Variants in CDON observed in about 807,000 individuals in gnomAD.
CDON encodes the protein cell adhesion associated, oncogene regulated.
CDON carries 73 observed loss-of-function variants against 120.9 expected under a neutral mutation model. The observed-to-expected ratio is 0.60, with a 90% CI of 0.50 to 0.73. The LOEUF is 0.73. CDON is among the 30% of genes least tolerant of loss of function. CDON has a pLI of 0.00. For synonymous variants in CDON, 566 were observed against 573.5 expected, an observed-to-expected ratio of 0.99 and a Z score of 0.19; for missense variants, 1,470 against 1,587.3, an observed-to-expected ratio of 0.93 and a Z score of 1.26.
At chr11:125,997,047 A>C (rs1946809421) in intron 12 of CDON, among the ~76,000 whole-genome samples, 160 bp downstream of exon 12, 2 of 152,046 alleles carry the variant, frequency 1.3e-5, no homozygotes, top group East Asian at 3.9e-4. Flanking sequence ...CACGGTGGTG[A>C]GTGCCTGTAG....
chr11:125,981,009 G>C (rs1946278600), intron 17 of CDON, 40 bp downstream of exon 17: 18 of 1,608,004 alleles, frequency 1.1e-5, no homozygotes, highest in Non-Finnish European at 1.5e-5. Context: ...TTGGCACCCT[G>C]AGGGACAGAG....
At chr11:125,980,942 A>G in intron 17 of CDON, 107 bp downstream of exon 17, 2 of 1,137,158 alleles carry the variant, frequency 1.8e-6, no homozygotes, top group Non-Finnish European at 2.6e-6. Context: ...CCATTCGAGG[A>G]AACTTGTGAG....
In CDON at chr11:126,015,470, C is replaced by G; in HGVS notation, c.969G>C (p.Val323=). ...SISKGLQDQI[V]SLGATVHFTC... is the part of the protein sequence containing the mutation. ...TAAAGTGTACTGTGGCACCCAGAGA[C>G]ACTATCTGATCCTGTAGTCCTTTAG... is the stretch of plus-strand genomic sequence containing the variant. Residue 323 remains valine, a synonymous_variant, in exon 7 of 20, where the codon GTG becomes GTC. Coordinates refer to ENST00000531738, the MANE Select transcript of CDON (RefSeq NM_001378964.1). 6.2e-7 allele frequency: 1 copy of G among 1,614,046 alleles called. No individual in the cohort carries two copies. Among genetic ancestry groups the G allele is most frequent in the Non-Finnish European group, 8.5e-7 (1 of 1,179,946 alleles).
Position 126,062,593 on chromosome 11 carries a change from G to A in CDON, c.-76C>T, listed in dbSNP as rs1185503864. The A allele has an allele frequency of 6.6e-6, 1 of 152,192 alleles. No homozygotes were observed. Among genetic ancestry groups the A allele is most frequent in the Non-Finnish European group, 1.5e-5 (1 of 68,172 alleles). 9.4% of individuals were successfully genotyped at this position (152,192 alleles called of 1,614,324 possible). The stretch of plus-strand genomic sequence containing the variant: ...CACCCCCGCACCTCTCCGCGGGGCT[G>A]GCTAAGCCTCCAGACCTCCTGCGCT... On this transcript the variant is annotated 5_prime_UTR_variant, in exon 1 of 20. It introduces an in-frame stop codon into an upstream open reading frame of the 5' UTR. Transcript: ENST00000531738.
intron 12 of CDON, among the ~76,000 whole-genome samples, chr11:125,996,202 A>G (rs1946778250): frequency 6.9e-6 from 1 of 145,632 alleles, no homozygotes; most frequent in African/African-American, 2.5e-5. Flanking sequence ...ACACACACAC[A>G]CACAAAGATG....
chr11:126,030,858 TATTTA>T (rs1340188167), intron 1 of CDON, among the ~76,000 whole-genome samples: 2 of 152,228 alleles, frequency 1.3e-5, no homozygotes, highest in Non-Finnish European at 2.9e-5. Context: ...TCATTCTGAA[TATTTA>T]ATTTAACTAA....
At chr11:125,986,364 G>C (rs545402548) in intron 15 of CDON, among the ~76,000 whole-genome samples, 1 of 151,956 alleles carries the variant, frequency 6.6e-6, no homozygotes, top group Non-Finnish European at 1.5e-5. Flanking sequence ...AAACCAACAC[G>C]GCACATGTAT....
At chr11:125,976,608 CACACACACAA>C (rs1329098124) in intron 18 of CDON, among the ~76,000 whole-genome samples, 2 of 90,690 alleles carry the variant, frequency 2.2e-5, no homozygotes, top group Non-Finnish European at 4.6e-5. Context: ...CACATGCACA[CACACACACAA>C]ACACACACAC....
At chr11:126,050,818 G>T (rs975745877) in intron 1 of CDON, among the ~76,000 whole-genome samples, 1 of 151,398 alleles carries the variant, frequency 6.6e-6, no homozygotes, top group African/African-American at 2.4e-5. Context: ...TAGTCTGCAG[G>T]GCACACACAC....
intron 16 of CDON, among the ~76,000 whole-genome samples, chr11:125,982,266 G>A (rs772458903): frequency 2.0e-5 from 3 of 152,018 alleles, no homozygotes; most frequent in African/African-American, 7.3e-5. Flanking sequence ...GAGCCACTCC[G>A]CCCAGCCTTC....
At position 126,018,366 on chromosome 11, in the gene CDON, T is replaced by C; in HGVS notation, c.604A>G (p.Lys202Glu). 2 of 1,614,112 alleles carry C rather than the reference T, an allele frequency of 1.2e-6. No individual in the cohort carries two copies. Among genetic ancestry groups the C allele is most frequent in the South Asian group, 2.2e-5 (2 of 91,080 alleles). Residue 202 changes from lysine to glutamate, a missense_variant, in exon 5 of 20, where the codon AAA becomes GAA. Coordinates refer to ENST00000531738, the MANE Select transcript of CDON (RefSeq NM_001378964.1). ...AAYNPVTHQL[K>E]VEPIGRKLLV... The stretch of plus-strand genomic sequence containing the variant: ...AGCTTTCGGCCAATAGGTTCAACTT[T>C]TAATTGATGTGTGACAGGATTATAA...
At chr11:126,048,688 T>C (rs1297126675) in intron 1 of CDON, among the ~76,000 whole-genome samples, 1 of 150,742 alleles carries the variant, frequency 6.6e-6, no homozygotes, top group Non-Finnish European at 1.5e-5. Flanking sequence ...TCTCTAAAAT[T>C]TCAACAATTT....
intron 9 of CDON, 28 bp downstream of exon 9, chr11:126,005,731 A>G: frequency 6.2e-7 from 1 of 1,606,256 alleles, no homozygotes; most frequent in Non-Finnish European, 8.5e-7. Flanking sequence ...GTGTGAGCCG[A>G]GAAAGATGAT....
At chr11:125,962,104 A>C in intron 18 of CDON, 106 bp from the exon 19 acceptor site, 2 of 865,266 alleles carry the variant, frequency 2.3e-6, no homozygotes, top group South Asian at 2.9e-5. Flanking sequence ...ACAGACTCTT[A>C]AGAAAGAGTG....
chr11:125,961,292 CT>C (rs1945636778), intron 19 of CDON, among the ~76,000 whole-genome samples, 187 bp from the exon 20 acceptor site: 1 of 152,152 alleles, frequency 6.6e-6, no homozygotes, highest in Non-Finnish European at 1.5e-5. Flanking sequence ...AAGTTGAGCT[CT>C]CATGAGAAGC....
At position 126,019,546 on chromosome 11, in the gene CDON, C is replaced by G; in HGVS notation, c.496+73G>C. 5 of 1,532,432 alleles carry G rather than the reference C, an allele frequency of 3.3e-6. No individual in the cohort carries two copies. In the South Asian group the frequency reaches 5.6e-5, roughly 17 times the overall value. 94.9% of individuals were successfully genotyped at this position (1,532,432 alleles called of 1,614,324 possible). On this transcript the variant is annotated intron_variant, in intron 4 of 19. Coordinates refer to ENST00000531738, the MANE Select transcript of CDON (RefSeq NM_001378964.1). ...GTATCCACAGTTCGTCCCTAGCACA[C>G]AGAGCTTAGAAGTAGCTTATTTAAT...
rs140231214 is a variant in CDON, at chr11:125,961,789, C to A, written c.3566G>T (p.Cys1189Phe). 1.2e-6 allele frequency: 2 copies of A among 1,614,040 alleles called. No homozygotes were observed. Among genetic ancestry groups the A allele is most frequent in the African/African-American group, 2.7e-5 (2 of 74,932 alleles). ...GACGTCATTTACAATGTCCTGACAG[C>A]AGGTACGCTGAGTAGGGACTGGTTC... is the stretch of plus-strand genomic sequence containing the variant. Reference protein sequence around the residue: ...NVEPVPTQRTCCQDIVNDVSS... With the variant: ...NVEPVPTQRTFCQDIVNDVSS... The change falls in exon 19 of 20, where the codon TGC (cysteine) becomes TTC (phenylalanine). Residue 1189 changes from cysteine (C) to phenylalanine (F), a missense_variant. Cys to Phe is a radical substitution (Grantham distance 205). Coordinates refer to ENST00000531738, the MANE Select transcript of CDON (RefSeq NM_001378964.1).
At chr11:125,975,850 G>A (rs1946137054) in intron 18 of CDON, among the ~76,000 whole-genome samples, 1 of 152,152 alleles carries the variant, frequency 6.6e-6, no homozygotes, top group East Asian at 1.9e-4. Context: ...CTTCTACGGG[G>A]AAACACCTCA....
chr11:125,981,242 A>T lies in CDON; in HGVS notation c.3083T>A (p.Ile1028Lys). Residue 1028 changes from isoleucine (I) to lysine (K), a missense_variant, in exon 17 of 20, where the codon ATA becomes AAA. Coordinates refer to ENST00000531738, the MANE Select transcript of CDON (RefSeq NM_001378964.1). ...DYTTLSGASQ[I>K]NGNVHGGFLT... ...GAAGCCTCCGTGAACATTTCCATTTATCTGACTTGCTCCTGAGAGAGTGGT... is the reference window on the plus strand; with the variant it reads ...GAAGCCTCCGTGAACATTTCCATTTTTCTGACTTGCTCCTGAGAGAGTGGT... 1 of 1,614,164 alleles carries T rather than the reference A, an allele frequency of 6.2e-7. No individual in the cohort carries two copies. The highest frequency in any genetic ancestry group is 8.5e-7 in the Non-Finnish European group (1 of 1,180,028).
Sources: gnomAD v4.1 joint callset for allele counts (sites outside exome capture counted in the v4.1 genomes callset) on GRCh38, gnomAD v4.1.1 for gene constraint, MANE v1.5 for transcripts, NCBI Gene and HGNC (gene_info 2026-07-23, HGNC 2026-07-21) for gene names.